The following PRR14L variants were observed in gnomAD, a reference collection of about 807,000 sequenced individuals.
The protein encoded by PRR14L is protein PRR14L.
In PRR14L, 80 loss-of-function variants were observed where a neutral mutation model predicts 155.0. The ratio of observed to expected loss-of-function variants is 0.52; its 90% CI spans 0.43 to 0.62. PRR14L has a LOEUF of 0.62. Among genes scored for constraint, PRR14L ranks in the 20% least tolerant of loss-of-function variants. The pLI, the probability that PRR14L is intolerant of heterozygous loss-of-function variation, is 0.00. For missense variants in PRR14L, 2,469 were observed against 2,548.0 expected (o/e 0.97, Z 0.67); for synonymous variants, 883 against 916.0 (o/e 0.96, Z 0.65).
intron 4 of PRR14L, among the ~76,000 whole-genome samples, chr22:31,705,346 A>T (rs1319657622): frequency 6.6e-6 from 1 of 152,132 alleles, no homozygotes; most frequent in Non-Finnish European, 1.5e-5. Context: ...CAGTTTCTAT[A>T]ACCTTATAAA....
intron 1 of PRR14L, among the ~76,000 whole-genome samples, chr22:31,745,838 C>A (rs28660199): frequency 0.017 from 2,128 of 127,570 alleles, 53 homozygotes; most frequent in African/African-American, 0.06. Flanking sequence ...GAGGGAGACT[C>A]AGTTTAAAAA....
chr22:31,714,708 C>G lies in PRR14L; in HGVS notation c.3131G>C (p.Gly1044Ala). Residue 1044 changes from glycine to alanine, a missense_variant, in exon 4 of 9, where the codon GGT becomes GCT. Gly to Ala is a moderately conservative substitution (Grantham distance 60). This residue lies in a region of PRR14L where 2,363 missense variants were observed against 2,371.6 expected (regional missense o/e 1.00). Coordinates refer to ENST00000327423, the MANE Select transcript of PRR14L (RefSeq NM_173566.3). ...CATACCTTCTGTGGACTCATCACAA[C>G]CAGACATCTTGACAAAGGCTCCTTT... Reference protein sequence around the residue: ...NLKGAFVKMSGCDESTEGMVD... With the variant: ...NLKGAFVKMSACDESTEGMVD... 1 of 1,552,402 alleles carries G rather than the reference C, an allele frequency of 6.4e-7. No homozygotes were observed. The highest frequency in any genetic ancestry group is 8.7e-7 in the Non-Finnish European group (1 of 1,147,142).
intron 7 of PRR14L, among the ~76,000 whole-genome samples, chr22:31,693,318 A>G (rs1026171021): frequency 6.6e-6 from 1 of 152,142 alleles, no homozygotes; most frequent in Non-Finnish European, 1.5e-5. Context: ...AATGTCATAG[A>G]GCTGAACTCA....
Position 31,714,472 on chromosome 22 carries a change from C to T in PRR14L, c.3367G>A (p.Val1123Met), listed in dbSNP as rs754359347. The T allele has an allele frequency of 4.6e-5, 72 of 1,551,958 alleles. No individual in the cohort carries two copies. Among genetic ancestry groups the T allele is most frequent in the Admixed American group, 1.6e-4 (8 of 50,988 alleles). The change falls in exon 4 of 9, where the codon GTG becomes ATG. Residue 1123 changes from valine (V) to methionine (M), a missense_variant. Transcript: ENST00000327423. ...SDFPVTAAST[V>M]DFLKIKKSCE... Reference sequence around the variant, plus strand: ...GATTTTTTTATTTTGAGAAAGTCCACTGTAGAAGCAGCAGTAACTGGGAAA... The same window carrying T: ...GATTTTTTTATTTTGAGAAAGTCCATTGTAGAAGCAGCAGTAACTGGGAAA...
chr22:31,724,533 TG>T (rs2074706909), intron 3 of PRR14L, among the ~76,000 whole-genome samples: 1 of 152,144 alleles, frequency 6.6e-6, no homozygotes, highest in African/African-American at 2.4e-5. Flanking sequence ...CCCGAGTAGC[TG>T]GGACCACAGG....
chr22:31,703,793 C>T (rs2074575399), intron 5 of PRR14L, 72 bp from the exon 6 acceptor site: 3 of 780,386 alleles, frequency 3.8e-6, no homozygotes, highest in Non-Finnish European at 5.6e-6. Flanking sequence ...ACTTCTTCTT[C>T]TTCATTTTTT....
At chr22:31,729,778 T>C (rs2074737771) in intron 2 of PRR14L, among the ~76,000 whole-genome samples, 1 of 152,130 alleles carries the variant, frequency 6.6e-6, no homozygotes, top group African/African-American at 2.4e-5. Flanking sequence ...GAGTTACTAT[T>C]TAATGCGTAC....
Position 31,715,335 on chromosome 22 carries a change from C to T in PRR14L, c.2504G>A (p.Cys835Tyr), listed in dbSNP as rs868150076. 2.6e-6 allele frequency: 4 copies of T among 1,552,074 alleles called. No individual in the cohort carries two copies. The Middle Eastern group carries it at 5.0e-4, about 194-fold the overall frequency. Residue 835 changes from cysteine to tyrosine, a missense_variant, in exon 4 of 9, where the codon TGC (cysteine) becomes TAC (tyrosine). By Grantham distance (194) the Cys-to-Tyr change is radical. This residue lies in a region of PRR14L where 2,363 missense variants were observed against 2,371.6 expected (regional missense o/e 1.00). Coordinates refer to ENST00000327423, the MANE Select transcript of PRR14L (RefSeq NM_173566.3). ...TTCCACAGAGTGTCCTGTTCCTTGGCAGCAGTGATCACGGTGCTGAAATGC... is the reference window on the plus strand; with the variant it reads ...TTCCACAGAGTGTCCTGTTCCTTGGTAGCAGTGATCACGGTGCTGAAATGC... ...ENAFQHRDHC[C>Y]QGTGHSVEKS...
intron 3 of PRR14L, among the ~76,000 whole-genome samples, chr22:31,723,034 T>TGCTATGACTG (rs1194675032): frequency 6.6e-6 from 1 of 152,118 alleles, no homozygotes; most frequent in Admixed American, 6.6e-5. Context: ...TTCTCTGGCT[T>TGCTATGACTG]GCTATGACTG....
intron 1 of PRR14L, among the ~76,000 whole-genome samples, chr22:31,745,203 C>G (rs2074831501): frequency 6.6e-6 from 1 of 152,064 alleles, no homozygotes; most frequent in Non-Finnish European, 1.5e-5. Context: ...CAGTGAAACC[C>G]TGTCTCTACT....
Position 31,712,707 on chromosome 22 carries a change from A to T in PRR14L, c.5132T>A (p.Leu1711Gln). ...TACTGGGAAGATTTCAGAACCAAAC[A>T]GCAGGGACGGCATCTTGTTGCTCAA... ...IDLSNKMPSL[L>Q]FGSEIFPVSF... Residue 1711 changes from leucine to glutamine, a missense_variant, in exon 4 of 9, where the codon CTG becomes CAG. Physicochemically the swap from Leu to Gln is moderately radical, Grantham distance 113. Transcript: ENST00000327423. 6.4e-7 allele frequency: 1 copy of T among 1,551,790 alleles called. No individual in the cohort carries two copies. The highest frequency in any genetic ancestry group is 1.2e-5 in the South Asian group (1 of 84,066).
intron 3 of PRR14L, among the ~76,000 whole-genome samples, chr22:31,722,592 C>T (rs1216849186): frequency 6.6e-6 from 1 of 150,760 alleles, no homozygotes; most frequent in Non-Finnish European, 1.5e-5. Context: ...GAGCGATCCC[C>T]GCTCACTGCA....
At chr22:31,738,969 C>T (rs746874456) in intron 1 of PRR14L, 58 bp from the exon 2 acceptor site, 32 of 749,502 alleles carry the variant, frequency 4.3e-5, no homozygotes, top group Non-Finnish European at 4.8e-5. Context: ...TAGAAGAAGG[C>T]TGCCTCAGTT....
rs1304636175 is a variant in PRR14L, at chr22:31,715,560, G to A, written c.2279C>T (p.Ser760Leu). ...GTKALHSRLR[S>L]NKREAAGFPQ... ...AAAGCCAGCTGCTTCTCTCTTATTT[G>A]AGCGCAGCCTGGAATGTAGAGCTTT... Residue 760 changes from serine (S) to leucine (L), a missense_variant, in exon 4 of 9, where the codon TCA becomes TTA. Coordinates refer to ENST00000327423, the MANE Select transcript of PRR14L (RefSeq NM_173566.3). 14 of 1,552,066 alleles carry A rather than the reference G, an allele frequency of 9.0e-6. No individual in the cohort carries two copies. In the East Asian group the frequency reaches 2.0e-4, roughly 22 times the overall value.
In PRR14L at chr22:31,715,470, C is replaced by T. The variant is rs201975358; in HGVS notation, c.2369G>A (p.Arg790His). 1.6e-3 allele frequency: 2,511 copies of T among 1,552,298 alleles called. 8 individuals carry two copies. The highest frequency in any genetic ancestry group is 3.1e-3 in the East Asian group (126 of 40,924). Reference sequence around the variant, plus strand: ...TTCCTGGGATACATTTTTTCTTACACGATGACAGCTAGAGATATCCTGAGA... The same window carrying T: ...TTCCTGGGATACATTTTTTCTTACATGATGACAGCTAGAGATATCCTGAGA... ...VQSQDISSCH[R>H]VRKNVSQENM... The change falls in exon 4 of 9, where the codon CGT (arginine) becomes CAT (histidine). Residue 790 changes from arginine (R) to histidine (H), a missense_variant. Arg to His is a conservative substitution (Grantham distance 29). Coordinates refer to ENST00000327423, the MANE Select transcript of PRR14L (RefSeq NM_173566.3).
At chr22:31,686,418 T>A (rs928131207) in intron 8 of PRR14L, among the ~76,000 whole-genome samples, 6 of 147,186 alleles carry the variant, frequency 4.1e-5, no homozygotes, top group African/African-American at 1.5e-4. Context: ...GACTCATCTT[T>A]AAAAAAAAAA....
rs1377304124 is a variant in PRR14L, at chr22:31,685,224, C to T, written c.*303G>A. The T allele has an allele frequency of 1.1e-5, 3 of 276,236 alleles. No homozygotes were observed. Among genetic ancestry groups the T allele is most frequent in the Non-Finnish European group, 1.4e-5 (2 of 146,578 alleles). 17.1% of individuals were successfully genotyped at this position (276,236 alleles called of 1,614,324 possible). On this transcript the variant is annotated 3_prime_UTR_variant, in exon 9 of 9. Transcript: ENST00000327423. Reference sequence around the variant, plus strand: ...GTTACTGAAGATAGGCTGCTGCTTCCTCCTGTGGATGGCAGAGACTGAGGA... The same window carrying T: ...GTTACTGAAGATAGGCTGCTGCTTCTTCCTGTGGATGGCAGAGACTGAGGA...
intron 4 of PRR14L, among the ~76,000 whole-genome samples, chr22:31,707,771 T>A (rs1242245244): frequency 1.3e-5 from 2 of 152,144 alleles, no homozygotes; most frequent in Non-Finnish European, 2.9e-5. Context: ...AAGTAGACAA[T>A]AAAAGCAGTA....
rs950035199 is a variant in PRR14L at position 31,717,183 on chromosome 22, T to C, written c.656A>G (p.Asn219Ser). ...TDNNEGHKNG[N>S]VSKDLSAGCG... ...TCCAGCTGAGAGATCTTTACTCACA[T>C]TGCCATTTTTGTGTCCTTCATTATT... is the stretch of plus-strand genomic sequence containing the variant. Residue 219 changes from asparagine (N) to serine (S), a missense_variant, in exon 4 of 9, where the codon AAT (asparagine) becomes AGT (serine). Around this residue, in one of 2 missense-constraint regions of PRR14L, gnomAD observed 2,363 missense variants for 2,371.6 expected, o/e 1.00. Coordinates refer to ENST00000327423, the MANE Select transcript of PRR14L (RefSeq NM_173566.3). 3.9e-6 allele frequency: 6 copies of C among 1,552,172 alleles called. No individual in the cohort carries two copies. Among genetic ancestry groups the C allele is most frequent in the South Asian group, 1.2e-5 (1 of 84,070 alleles).
Sources: allele counts gnomAD v4.1 joint callset (sites outside exome capture counted in the v4.1 genomes callset), GRCh38; gene constraint gnomAD v4.1.1; regional missense constraint gnomAD v4.1.1; transcripts MANE v1.5; gene names NCBI Gene and HGNC (gene_info 2026-07-23, HGNC 2026-07-21).